The following CNTN4 variants were observed in gnomAD, a reference collection of about 807,000 sequenced individuals.
The protein encoded by CNTN4 is contactin 4.
Under a neutral mutation model 122.5 loss-of-function variants are expected in CNTN4, and 77 were observed. The observed-to-expected ratio is 0.63, with a 90% CI of 0.52 to 0.76. The LOEUF (loss-of-function observed/expected upper bound fraction) is 0.76, where lower values mean the gene tolerates loss of function less well. CNTN4 is among the 30% of genes least tolerant of loss of function. CNTN4 has a pLI of 0.00. For missense variants in CNTN4, 1,256 were observed against 1,259.1 expected (o/e 1.00, Z 0.04); for synonymous variants, 512 against 447.0 (o/e 1.15, Z -1.83).
At chr3:2,536,423 T>C (rs1304209677) in intron 3 of CNTN4, among the ~76,000 whole-genome samples, 1 of 152,130 alleles carries the variant, frequency 6.6e-6, no homozygotes, top group Non-Finnish European at 1.5e-5. Flanking sequence ...TTTTATTTAA[T>C]TCACATTTTT....
intron 7 of CNTN4, among the ~76,000 whole-genome samples, chr3:2,846,186 G>A (rs1370570221): frequency 6.6e-6 from 1 of 152,166 alleles, no homozygotes; most frequent in Non-Finnish European, 1.5e-5. Flanking sequence ...TGTATTCCCA[G>A]CCAAATCTCA....
chr3:2,669,708 C>T (rs1188085908), intron 4 of CNTN4, among the ~76,000 whole-genome samples: 2 of 152,086 alleles, frequency 1.3e-5, no homozygotes, highest in African/African-American at 2.4e-5. Context: ...TGGATCTTTC[C>T]TGCTTTCTCT....
chr3:2,933,396 C>T (rs187065235), intron 13 of CNTN4, among the ~76,000 whole-genome samples: 2 of 152,124 alleles, frequency 1.3e-5, no homozygotes, highest in East Asian at 3.9e-4. Context: ...TCATTTGTGA[C>T]GCAGGCCATC....
At chr3:2,101,804 A>G (rs1281276612) in intron 2 of CNTN4, among the ~76,000 whole-genome samples, 2 of 152,208 alleles carry the variant, frequency 1.3e-5, no homozygotes, top group Non-Finnish European at 2.9e-5. Flanking sequence ...ATGAAATAGA[A>G]GGTCTCATGT....
intron 4 of CNTN4, among the ~76,000 whole-genome samples, chr3:2,574,502 C>G (rs2079571001): frequency 6.6e-6 from 1 of 152,060 alleles, no homozygotes; most frequent in South Asian, 2.1e-4. Context: ...TTTATTAGTA[C>G]TTTATGGTAC....
At chr3:2,668,421 G>C (rs981693013) in intron 4 of CNTN4, among the ~76,000 whole-genome samples, 1 of 152,154 alleles carries the variant, frequency 6.6e-6, no homozygotes, top group Admixed American at 6.5e-5. Context: ...AAGAATGCTT[G>C]TGATTTTTGC....
intron 2 of CNTN4, among the ~76,000 whole-genome samples, chr3:2,260,885 G>C (rs1340564417): frequency 6.6e-6 from 1 of 151,470 alleles, no homozygotes; most frequent in African/African-American, 2.4e-5. Flanking sequence ...CCACCGCCAC[G>C]CTTGGCTAAA....
At chr3:2,290,230 T>G (rs1312135979) in intron 2 of CNTN4, among the ~76,000 whole-genome samples, 3 of 152,190 alleles carry the variant, frequency 2.0e-5, no homozygotes, top group Non-Finnish European at 4.4e-5. Context: ...AGAATTGTCC[T>G]GGCTTACATT....
chr3:2,471,451 G>A (rs1266196978), intron 3 of CNTN4, among the ~76,000 whole-genome samples: 1 of 152,200 alleles, frequency 6.6e-6, no homozygotes, highest in Non-Finnish European at 1.5e-5. Flanking sequence ...TAAAATGATA[G>A]CATGTTCTAG....
At position 2,486,570 on chromosome 3, in the gene CNTN4, C is replaced by G. The variant is rs548696123; in HGVS notation, c.-88-84846C>G. On this transcript the variant is annotated intron_variant, in intron 3 of 24. Transcript: ENST00000418658. ...TTTATTGAAGTCTACTGTGTTACCC[C>G]CCGGATTCATAGCTGGATACATTTT... Among the ~76,000 whole-genome samples, 10 of 152,028 alleles carry G rather than the reference C, an allele frequency of 6.6e-5. No homozygotes were observed. In the South Asian group the frequency reaches 1.2e-3, roughly 19 times the overall value.
intron 6 of CNTN4, among the ~76,000 whole-genome samples, chr3:2,755,434 A>G (rs1310758668): frequency 3.9e-5 from 6 of 152,238 alleles, no homozygotes; most frequent in Non-Finnish European, 7.3e-5. Flanking sequence ...ATCTTCAATA[A>G]AAGGGTAAAT....
Position 2,893,483 on chromosome 3 carries a change from T to C in CNTN4, c.940+6259T>C, listed in dbSNP as rs568234831. Among the ~76,000 whole-genome samples, 11 of 152,332 alleles carry C rather than the reference T, an allele frequency of 7.2e-5. No individual in the cohort carries two copies. In the East Asian group the frequency reaches 2.1e-3, roughly 29 times the overall value. On this transcript the variant is annotated intron_variant, in intron 10 of 24. Transcript: ENST00000418658. Reference sequence around the variant, plus strand: ...ACAGAACTGATATTGATACCCTCAATTCCCCTGTCACTTAAGATAAAGTCA... The same window carrying C: ...ACAGAACTGATATTGATACCCTCAACTCCCCTGTCACTTAAGATAAAGTCA...
intron 3 of CNTN4, among the ~76,000 whole-genome samples, chr3:2,555,261 C>T (rs1297446574): frequency 6.6e-6 from 1 of 152,164 alleles, no homozygotes; most frequent in African/African-American, 2.4e-5. Context: ...GGATAATTTC[C>T]TGATTAGTCC....
intron 7 of CNTN4, among the ~76,000 whole-genome samples, chr3:2,855,484 T>G (rs1351462955): frequency 6.6e-6 from 1 of 152,232 alleles, no homozygotes; most frequent in East Asian, 1.9e-4. Flanking sequence ...AAAAGTGTTT[T>G]GAAAATGTAA....
chr3:2,757,597 G>C (rs895444520), intron 6 of CNTN4, among the ~76,000 whole-genome samples: 8 of 152,254 alleles, frequency 5.3e-5, no homozygotes, highest in African/African-American at 1.9e-4. Flanking sequence ...GCCAGCTTCC[G>C]TCCTCTTCGC....
chr3:2,769,408 T>C (rs1332864022), intron 6 of CNTN4, among the ~76,000 whole-genome samples: 1 of 148,808 alleles, frequency 6.7e-6, no homozygotes, highest in Non-Finnish European at 1.5e-5. Context: ...GAGGTTGCCA[T>C]GAGCCGAGAT....
At chr3:2,804,860 G>A (rs775849390) in intron 6 of CNTN4, among the ~76,000 whole-genome samples, 1 of 152,050 alleles carries the variant, frequency 6.6e-6, no homozygotes, top group East Asian at 1.9e-4. Flanking sequence ...ACCATGCCCG[G>A]CTATTTTAGG....
intron 2 of CNTN4, among the ~76,000 whole-genome samples, chr3:2,157,219 A>T (rs1354907259): frequency 6.6e-6 from 1 of 152,242 alleles, no homozygotes; most frequent in Non-Finnish European, 1.5e-5. Context: ...AGATTACATA[A>T]GACCTGGTGG....
intron 3 of CNTN4, among the ~76,000 whole-genome samples, chr3:2,489,751 G>A (rs1466214137): frequency 3.3e-5 from 5 of 152,178 alleles, no homozygotes; most frequent in African/African-American, 9.7e-5. Flanking sequence ...ATATTTAGCT[G>A]TGTGAAAAGA....
Sources: allele counts gnomAD v4.1 joint callset (sites outside exome capture counted in the v4.1 genomes callset), GRCh38; gene constraint gnomAD v4.1.1; transcripts MANE v1.5; gene names NCBI Gene and HGNC (gene_info 2026-07-23, HGNC 2026-07-21).